Variants in RORB observed in about 807,000 individuals in gnomAD.
The protein encoded by RORB is nuclear receptor ROR-beta.
Under a neutral mutation model 59.1 loss-of-function variants are expected in RORB, and 6 were observed. The observed-to-expected ratio is 0.10, with a 90% confidence interval of 0.06 to 0.20. The LOEUF is 0.20. Ranked by LOEUF, RORB falls within the 10% of genes least tolerant of loss-of-function variation. RORB has a pLI of 1.00. For synonymous variants in RORB, 215 were observed against 204.5 expected (o/e 1.05, Z -0.44); for missense variants, 320 against 560.5 (o/e 0.57, Z 4.33).
chr9:74,632,371 T>C (rs565765994), intron 2 of RORB, among the ~76,000 whole-genome samples: 16 of 152,278 alleles, frequency 1.1e-4, no homozygotes, highest in Admixed American at 7.9e-4. Flanking sequence ...TTTGTAAATA[T>C]GCTACTTTTT....
chr9:74,640,240 G>A (rs190502929), intron 3 of RORB, among the ~76,000 whole-genome samples: 1 of 152,134 alleles, frequency 6.6e-6, no homozygotes, highest in Non-Finnish European at 1.5e-5. Flanking sequence ...TTGGTTTGTT[G>A]TGTTTTGTTT....
intron 1 of RORB, among the ~76,000 whole-genome samples, chr9:74,500,959 T>A (rs1825796506): frequency 6.6e-6 from 1 of 152,118 alleles, no homozygotes; most frequent in African/African-American, 2.4e-5. Flanking sequence ...TAGATTTCAT[T>A]ACTGAAAGGA....
rs1480429545 is a variant in RORB, at chr9:74,688,777, G to A, written c.*3159G>A. On this transcript the variant is annotated 3_prime_UTR_variant, in exon 10 of 10. Coordinates refer to ENST00000376896, the MANE Select transcript of RORB (RefSeq NM_006914.4). ...TGCTGAAAAGTTGCACCCAAGTAAG[G>A]ACAACTTGGTCTCATTTTCTAAACT... 1.3e-5 allele frequency: 2 copies of A among 152,124 alleles called. No individual in the cohort carries two copies. Among genetic ancestry groups the A allele is most frequent in the East Asian group, 3.9e-4 (2 of 5,182 alleles). The allele number at this position is 152,124 out of a possible 1,614,324, so 9.4% of individuals were successfully genotyped here.
intron 1 of RORB, among the ~76,000 whole-genome samples, chr9:74,573,862 A>C (rs1457033948): frequency 6.6e-6 from 1 of 152,120 alleles, no homozygotes; most frequent in African/African-American, 2.4e-5. Flanking sequence ...AGCACATCGA[A>C]AGAAACAGCA....
intron 1 of RORB, among the ~76,000 whole-genome samples, chr9:74,585,402 A>G (rs1032713859): frequency 1.3e-5 from 2 of 152,270 alleles, no homozygotes; most frequent in Non-Finnish European, 2.9e-5. Context: ...CATATTCTAT[A>G]TAAAACCCCA....
intron 1 of RORB, among the ~76,000 whole-genome samples, chr9:74,533,136 T>C (rs1826272983): frequency 6.6e-6 from 1 of 151,856 alleles, no homozygotes; most frequent in South Asian, 2.1e-4. Flanking sequence ...GGCACTTGTG[T>C]TTGCTACCTC....
chr9:74,499,984 G>A (rs1221048715), intron 1 of RORB, among the ~76,000 whole-genome samples: 1 of 152,188 alleles, frequency 6.6e-6, no homozygotes, highest in Non-Finnish European at 1.5e-5. Flanking sequence ...TCCTGAAGGA[G>A]CAGTTTGCAG....
At chr9:74,592,964 T>A (rs909381804) in intron 1 of RORB, among the ~76,000 whole-genome samples, 1 of 152,122 alleles carries the variant, frequency 6.6e-6, no homozygotes, top group African/African-American at 2.4e-5. Flanking sequence ...TAGGAAAGTC[T>A]TCCTTGTATC....
At chr9:74,635,610 T>C (rs1039948797) in intron 3 of RORB, among the ~76,000 whole-genome samples, 5 of 152,182 alleles carry the variant, frequency 3.3e-5, no homozygotes, top group Non-Finnish European at 7.4e-5. Context: ...TTGTTCCCAC[T>C]AAAACATCAG....
chr9:74,497,962 G>T lies in RORB; in HGVS notation c.-15G>T, dbSNP rs1825736988. ...GCAGCTTCATGACTACGCGGAGCGGGAGAGCGGCCACACCATGCGAGGTAA... is the reference window on the plus strand; with the variant it reads ...GCAGCTTCATGACTACGCGGAGCGGTAGAGCGGCCACACCATGCGAGGTAA... On this transcript the variant is annotated 5_prime_UTR_variant, in exon 1 of 10. Transcript: ENST00000376896. 2 of 1,611,944 alleles carry T rather than the reference G, an allele frequency of 1.2e-6. No individual in the cohort carries two copies. The highest frequency in any genetic ancestry group is 1.7e-6 in the Non-Finnish European group (2 of 1,179,526).
chr9:74,557,657 ATTG>A (rs1822327614), intron 1 of RORB, among the ~76,000 whole-genome samples: 2 of 152,214 alleles, frequency 1.3e-5, no homozygotes, highest in Admixed American at 1.3e-4. Flanking sequence ...TCCCACTATC[ATTG>A]TTAACATGGC....
In RORB at chr9:74,509,959, A is replaced by T. The variant is rs138463347; in HGVS notation, c.7+11976A>T. ...ATTTGTTTTGCATTTTGGCTGAAAC[A>T]TAATATTCCTTACATCAAGCTATCA... On this transcript the variant is annotated intron_variant, in intron 1 of 9. Transcript: ENST00000376896. Among the ~76,000 whole-genome samples the T allele has an allele frequency of 1.9e-3, 296 of 152,302 alleles. 3 individuals carry two copies. Among genetic ancestry groups the T allele is most frequent in the African/African-American group, 6.4e-3 (266 of 41,588 alleles).
intron 1 of RORB, among the ~76,000 whole-genome samples, chr9:74,581,947 G>A (rs1405316507): frequency 1.3e-5 from 2 of 152,138 alleles, no homozygotes; most frequent in Non-Finnish European, 2.9e-5. Context: ...TGCTATTTTA[G>A]CTCTTAAAGT....
chr9:74,611,611 G>A (rs1308145663), intron 1 of RORB, among the ~76,000 whole-genome samples: 2 of 152,096 alleles, frequency 1.3e-5, no homozygotes, highest in Non-Finnish European at 2.9e-5. Flanking sequence ...CAACTAGTGT[G>A]TATTCACCCA....
chr9:74,515,956 C>T (rs1340412480), intron 1 of RORB, among the ~76,000 whole-genome samples: 1 of 151,928 alleles, frequency 6.6e-6, no homozygotes, highest in Non-Finnish European at 1.5e-5. Flanking sequence ...CATGTGTGTG[C>T]ACCACCGCAA....
chr9:74,574,735 A>G (rs1176631931), intron 1 of RORB, among the ~76,000 whole-genome samples: 1 of 152,122 alleles, frequency 6.6e-6, no homozygotes, highest in Non-Finnish European at 1.5e-5. Context: ...AAAGCCATAA[A>G]CTAGTCATAC....
intron 1 of RORB, among the ~76,000 whole-genome samples, chr9:74,523,445 A>G (rs1467496879): frequency 6.6e-6 from 1 of 151,968 alleles, no homozygotes; most frequent in Non-Finnish European, 1.5e-5. Context: ...GGATTCAGAA[A>G]AAAAGATTGC....
At chr9:74,549,904 A>C (rs2118159910) in intron 1 of RORB, among the ~76,000 whole-genome samples, 1 of 152,014 alleles carries the variant, frequency 6.6e-6, no homozygotes, top group East Asian at 2.0e-4. Context: ...AATCTTTTGC[A>C]TTTTTAGTAG....
intron 3 of RORB, among the ~76,000 whole-genome samples, chr9:74,641,442 T>C (rs1490607155): frequency 6.6e-6 from 1 of 152,190 alleles, no homozygotes; most frequent in Non-Finnish European, 1.5e-5. Context: ...GAAAAGATAG[T>C]TACTGTTTTG....
Sources: allele counts gnomAD v4.1 joint callset (sites outside exome capture counted in the v4.1 genomes callset), GRCh38; gene constraint gnomAD v4.1.1; transcripts MANE v1.5; gene names NCBI Gene and HGNC (gene_info 2026-07-23, HGNC 2026-07-21).